The following MAF variants were observed in gnomAD, a reference collection of about 807,000 sequenced individuals.
The protein encoded by MAF is transcription factor Maf.
In MAF, 10 loss-of-function variants were observed where a neutral mutation model predicts 22.0. The observed-to-expected ratio is 0.45, with a 90% CI of 0.28 to 0.77. The LOEUF (loss-of-function observed/expected upper bound fraction) is 0.77, where lower values mean the gene tolerates loss of function less well. MAF is among the 30% of genes least tolerant of loss of function. The pLI is 0.12. For missense variants in MAF, 544 were observed against 548.4 expected, an observed-to-expected ratio of 0.99 and a Z score of 0.08; for synonymous variants, 337 against 255.8, an observed-to-expected ratio of 1.32 and a Z score of -3.03.
chr16:79,449,764 C>T, the MAF span, among the ~76,000 whole-genome samples: 1 of 152,158 alleles, frequency 6.6e-6, no homozygotes, highest in South Asian at 2.1e-4. Context: ...ATTCTAACCT[C>T]ACTTCTGGCA....
At chr16:79,245,138 A>C in the MAF span, among the ~76,000 whole-genome samples, 12 of 152,046 alleles carry the variant, frequency 7.9e-5, no homozygotes, top group African/African-American at 1.2e-4. Flanking sequence ...AGGCAATACC[A>C]TTCAGGATAT....
the MAF span, among the ~76,000 whole-genome samples, chr16:79,497,159 T>C: frequency 4.6e-5 from 7 of 152,198 alleles, no homozygotes; most frequent in African/African-American, 1.4e-4. Context: ...TCTCACTCTC[T>C]TCTACAAAGG....
At chr16:79,341,555 G>C in the MAF span, among the ~76,000 whole-genome samples, 1 of 152,172 alleles carries the variant, frequency 6.6e-6, no homozygotes, top group Non-Finnish European at 1.5e-5. Context: ...TAGAAATCAG[G>C]GTTCTTCCCC....
the MAF span, among the ~76,000 whole-genome samples, chr16:79,562,906 T>C: frequency 6.6e-6 from 1 of 152,304 alleles, no homozygotes. Context: ...CCCTTCTTTT[T>C]CAGATCCAAA....
intron 1 of MAF, chr16:79,597,642 G>T: frequency 9.8e-7 from 1 of 1,021,586 alleles, no homozygotes. Context: ...TGGGAAGAAG[G>T]CTCTACGGTT....
At chr16:79,339,592 T>C in the MAF span, among the ~76,000 whole-genome samples, 3 of 152,202 alleles carry the variant, frequency 2.0e-5, no homozygotes, top group Non-Finnish European at 2.9e-5. Flanking sequence ...TTGTTTTTTA[T>C]ATAGCCAGGA....
chr16:79,506,107 C>T, the MAF span, among the ~76,000 whole-genome samples: 1 of 152,004 alleles, frequency 6.6e-6, no homozygotes, highest in Non-Finnish European at 1.5e-5. Context: ...AATTTGATCC[C>T]CAAGAGTGAA....
chr16:79,480,973 C>T, the MAF span, among the ~76,000 whole-genome samples: 32 of 152,254 alleles, frequency 2.1e-4, no homozygotes, highest in South Asian at 6.2e-3. Flanking sequence ...CAAAAAAGCA[C>T]CCCCAACTCC....
the MAF span, among the ~76,000 whole-genome samples, chr16:79,269,740 T>C: frequency 2.6e-5 from 4 of 152,204 alleles, no homozygotes; most frequent in African/African-American, 7.2e-5. Context: ...CTTCCTTTCA[T>C]GCAAATCGCC....
the MAF span, among the ~76,000 whole-genome samples, chr16:79,502,716 T>TAAATATAAATATATATATATATAA: frequency 9.7e-5 from 2 of 20,566 alleles, no homozygotes; most frequent in African/African-American, 2.7e-4. Context: ...TAAATATATA[T>TAAATATAAATATATATATATATAA]ATATATATAT....
chr16:79,255,804 C>G, the MAF span, among the ~76,000 whole-genome samples: 2,764 of 152,112 alleles, frequency 0.018, 44 homozygotes, highest in Middle Eastern at 0.068. Flanking sequence ...GGCCCAGGTT[C>G]CTCATCTGTG....
the MAF span, among the ~76,000 whole-genome samples, chr16:79,310,818 C>T: frequency 2.0e-5 from 3 of 152,272 alleles, no homozygotes; most frequent in Middle Eastern, 3.4e-3. Flanking sequence ...AGTCCCTGGT[C>T]GTGTTCCAAA....
At chr16:79,227,558 C>G in the MAF span, among the ~76,000 whole-genome samples, 1 of 151,966 alleles carries the variant, frequency 6.6e-6, no homozygotes, top group Non-Finnish European at 1.5e-5. Flanking sequence ...TCAGTGCACT[C>G]CTATTAACCT....
chr16:79,449,970 C>G, the MAF span, among the ~76,000 whole-genome samples: 1 of 152,174 alleles, frequency 6.6e-6, no homozygotes, highest in East Asian at 1.9e-4. Flanking sequence ...AAATTTCTTT[C>G]AGAATAGTTT....
chr16:79,323,391 T>G, the MAF span, among the ~76,000 whole-genome samples: 5 of 151,932 alleles, frequency 3.3e-5, no homozygotes, highest in African/African-American at 1.2e-4. Context: ...TTATGGGTTG[T>G]TTTTCATTTT....
chr16:79,537,346 C>T, the MAF span, among the ~76,000 whole-genome samples: 1 of 152,154 alleles, frequency 6.6e-6, no homozygotes, highest in African/African-American at 2.4e-5. Flanking sequence ...TCATCGAGTA[C>T]TTGCAGTACC....
chr16:79,338,146 T>G, the MAF span, among the ~76,000 whole-genome samples: 104 of 152,276 alleles, frequency 6.8e-4, no homozygotes, highest in Admixed American at 1.1e-3. Context: ...GGGCCGACTT[T>G]GCAATCACAG....
chr16:79,289,453 G>A, the MAF span, among the ~76,000 whole-genome samples: 138,398 of 152,192 alleles, frequency 0.91, 62,942 homozygotes, highest in East Asian at 1. Context: ...GCTACCCACC[G>A]TGAGAGAAGG....
chr16:79,367,065 C>G, the MAF span, among the ~76,000 whole-genome samples: 5 of 152,064 alleles, frequency 3.3e-5, no homozygotes, highest in African/African-American at 1.2e-4. Context: ...AATAATTTAC[C>G]CCTAATCTAT....
Sources: allele counts gnomAD v4.1 joint callset (sites outside exome capture counted in the v4.1 genomes callset), GRCh38; gene constraint gnomAD v4.1.1; transcripts MANE v1.5; gene names NCBI Gene and HGNC (gene_info 2026-07-23, HGNC 2026-07-21).